VIT: variants seen among roughly 807,000 people sequenced by gnomAD.
The protein encoded by VIT is vitrin.
In VIT, 99 loss-of-function variants were observed where a neutral mutation model predicts 78.0. The ratio of observed to expected loss-of-function variants is 1.27; its 90% CI spans 1.08 to 1.50. The LOEUF (loss-of-function observed/expected upper bound fraction) is 1.50, where lower values mean the gene tolerates loss of function less well. Among genes scored for constraint, VIT ranks in the 40% most tolerant of loss-of-function variants. The probability of loss-of-function intolerance (pLI) is 0.00; values close to 1 mark genes in which losing one functional copy is unlikely to be tolerated. For missense variants in VIT, 1,126 were observed against 875.3 expected, an observed-to-expected ratio of 1.29 and a Z score of -3.61; for synonymous variants, 374 against 334.3, an observed-to-expected ratio of 1.12 and a Z score of -1.29.
At chr2:36,810,656 C>A (rs1467883407) in intron 15 of VIT, among the ~76,000 whole-genome samples, 1 of 146,308 alleles carries the variant, frequency 6.8e-6, no homozygotes, top group South Asian at 2.2e-4. Flanking sequence ...TTTTCTGAGG[C>A]AGTGTCTTGC....
chr2:36,805,981 T>C (rs1572576365), intron 14 of VIT, among the ~76,000 whole-genome samples: 1 of 151,462 alleles, frequency 6.6e-6, no homozygotes, highest in African/African-American at 2.4e-5. Flanking sequence ...CAAGCGAACA[T>C]ACTCTCTCTC....
chr2:36,726,818 CAAAAAAAAAAAAAAA>C (rs758452109), intron 2 of VIT, among the ~76,000 whole-genome samples: 1 of 111,608 alleles, frequency 9.0e-6, no homozygotes, highest in African/African-American at 4.0e-5. Context: ...GACTCTGTCT[CAAAAAAAAAAAAAAA>C]AAAAAAAAAA....
chr2:36,726,443 T>C (rs1666850440), intron 2 of VIT, among the ~76,000 whole-genome samples: 1 of 152,270 alleles, frequency 6.6e-6, no homozygotes, highest in Non-Finnish European at 1.5e-5. Context: ...ATTATACTTT[T>C]GTATTCATCC....
intron 15 of VIT, 63 bp from the exon 16 acceptor site, chr2:36,814,120 G>C (rs1667389802): frequency 2.5e-6 from 4 of 1,575,618 alleles, no homozygotes; most frequent in Admixed American, 3.5e-5. Context: ...CACAAGAAGA[G>C]AGAGATTCTT....
intron 12 of VIT, among the ~76,000 whole-genome samples, chr2:36,798,608 A>T (rs35292218): frequency 6.6e-6 from 1 of 151,260 alleles, no homozygotes; most frequent in Non-Finnish European, 1.5e-5. Flanking sequence ...TACAAAAACA[A>T]ATAAGCCAGG....
Position 36,806,819 on chromosome 2 carries a change from T to C in VIT, c.1389+1155T>C, listed in dbSNP as rs543723176. Among the ~76,000 whole-genome samples the C allele has an allele frequency of 1.7e-3, 266 of 152,290 alleles. 1 individual carries two copies. The highest frequency in any genetic ancestry group is 0.014 in the Middle Eastern group (4 of 292). On this transcript the variant is annotated intron_variant, in intron 14 of 15. Coordinates refer to ENST00000379242, the MANE Select transcript of VIT (RefSeq NM_053276.4). ...ACCTCTTGATCCTCCCGCTTCAGCC[T>C]CCCAAAGTGCTGGGATTACAGGCGT...
intron 7 of VIT, among the ~76,000 whole-genome samples, chr2:36,772,574 A>T (rs190061853): frequency 2.0e-5 from 3 of 151,616 alleles, no homozygotes; most frequent in Admixed American, 6.6e-5. Flanking sequence ...GAGCATGGTG[A>T]TGTGCACTTG....
intron 14 of VIT, among the ~76,000 whole-genome samples, chr2:36,806,202 C>T (rs1666715663): frequency 6.6e-6 from 1 of 152,204 alleles, no homozygotes; most frequent in Non-Finnish European, 1.5e-5. Flanking sequence ...AAGCTGTTCC[C>T]TTTGTACAGT....
At chr2:36,721,905 C>T (rs1666538167) in intron 2 of VIT, among the ~76,000 whole-genome samples, 1 of 152,176 alleles carries the variant, frequency 6.6e-6, no homozygotes, top group Non-Finnish European at 1.5e-5. Flanking sequence ...AGATATTGAC[C>T]TTGTCATTTT....
intron 12 of VIT, among the ~76,000 whole-genome samples, chr2:36,787,622 T>C (rs1665195999): frequency 6.6e-6 from 1 of 152,248 alleles, no homozygotes; most frequent in Non-Finnish European, 1.5e-5. Context: ...TCTCTGATTG[T>C]CAGTTTCCTC....
intron 5 of VIT, among the ~76,000 whole-genome samples, chr2:36,755,902 G>C (rs1270602797): frequency 6.7e-6 from 1 of 150,250 alleles, no homozygotes; most frequent in African/African-American, 2.4e-5. Context: ...TTGCCCAGTG[G>C]GAGCCCTTCA....
chr2:36,788,952 C>A (rs1665292899), intron 12 of VIT, among the ~76,000 whole-genome samples: 1 of 152,134 alleles, frequency 6.6e-6, no homozygotes, highest in Admixed American at 6.6e-5. Context: ...CGCCTTCCCC[C>A]AAAACATTTT....
chr2:36,702,160 C>G lies in VIT; in HGVS notation c.-19+5187C>G, dbSNP rs535559800. Among the ~76,000 whole-genome samples the G allele has an allele frequency of 4.6e-5, 7 of 152,206 alleles. No individual in the cohort carries two copies. In the East Asian group the frequency reaches 1.4e-3, roughly 29 times the overall value. ...TGTGGGTCCCTCAGGGAAGAGCATT[C>G]CAGGCAGAGGGAAAAGCAAATGAAA... On this transcript the variant is annotated intron_variant, in intron 1 of 15. Transcript: ENST00000379242.
intron 12 of VIT, among the ~76,000 whole-genome samples, chr2:36,790,541 C>T (rs1665417703): frequency 6.6e-6 from 1 of 152,212 alleles, no homozygotes; most frequent in African/African-American, 2.4e-5. Flanking sequence ...GCAACCACAG[C>T]ATTCCTACCA....
intron 4 of VIT, among the ~76,000 whole-genome samples, chr2:36,748,058 T>A (rs1668244533): frequency 6.6e-6 from 1 of 152,254 alleles, no homozygotes; most frequent in African/African-American, 2.4e-5. Flanking sequence ...GCTCCCAATC[T>A]CTTCTGGCTT....
intron 15 of VIT, among the ~76,000 whole-genome samples, chr2:36,809,838 T>C (rs1427421082): frequency 6.6e-6 from 1 of 152,098 alleles, no homozygotes; most frequent in African/African-American, 2.4e-5. Flanking sequence ...TCAAAATATT[T>C]AAAGAGACCA....
At chr2:36,723,290 T>C (rs1224659303) in intron 2 of VIT, among the ~76,000 whole-genome samples, 1 of 152,200 alleles carries the variant, frequency 6.6e-6, no homozygotes. Context: ...TTTTTTTACA[T>C]AAATCTTTGT....
intron 2 of VIT, among the ~76,000 whole-genome samples, chr2:36,725,606 G>C (rs1420083992): frequency 1.5e-4 from 15 of 102,954 alleles, no homozygotes; most frequent in Admixed American, 1.4e-4. Context: ...GAGGGGTGGG[G>C]GGGGGGTGGG....
At chr2:36,787,567 A>G (rs1292588032) in intron 12 of VIT, among the ~76,000 whole-genome samples, 3 of 152,242 alleles carry the variant, frequency 2.0e-5, no homozygotes, top group African/African-American at 4.8e-5. Context: ...GTGAGTGTTA[A>G]CTTAGCCAAT....
Sources: gnomAD v4.1 joint callset for allele counts (sites outside exome capture counted in the v4.1 genomes callset) on GRCh38, gnomAD v4.1.1 for gene constraint, MANE v1.5 for transcripts, NCBI Gene and HGNC (gene_info 2026-07-23, HGNC 2026-07-21) for gene names.